The following PDZRN3 variants were observed in gnomAD, a reference collection of about 807,000 sequenced individuals.
The protein encoded by PDZRN3 is PDZ domain containing ring finger 3, also known as E3 ubiquitin-protein ligase PDZRN3.
Under a neutral mutation model 85.7 loss-of-function variants are expected in PDZRN3, and 38 were observed. The observed-to-expected ratio is 0.44, with a 90% CI of 0.34 to 0.58. The LOEUF (loss-of-function observed/expected upper bound fraction) is 0.58, where lower values mean the gene tolerates loss of function less well. Ranked by LOEUF, PDZRN3 falls within the 20% of genes least tolerant of loss-of-function variation. The pLI is 0.01. For missense variants in PDZRN3, 1,629 were observed against 1,506.4 expected (o/e 1.08, Z -1.35); for synonymous variants, 759 against 638.0 (o/e 1.19, Z -2.86).
At chr3:73,582,951 T>C (rs1702223368) in intron 3 of PDZRN3, among the ~76,000 whole-genome samples, 2 of 152,202 alleles carry the variant, frequency 1.3e-5, no homozygotes, top group South Asian at 2.1e-4. Flanking sequence ...TCTATTGATA[T>C]AGCCTTACAT....
At position 73,384,928 on chromosome 3, in the gene PDZRN3, C is replaced by T. The variant is rs1161260032; in HGVS notation, c.1638G>A (p.Lys546=). ...TGGTCCCACCGTCTTCGTCGTGCTT[C>T]TTCTGCATAAACACAAGAACAAAGG... ...MQFTASVLQQ[K]KHDEDGGTTD... Residue 546 remains lysine, a splice_region_variant and synonymous_variant, in exon 10 of 10, where the codon AAG becomes AAA. Transcript: ENST00000263666. 4 of 1,594,720 alleles carry T rather than the reference C, an allele frequency of 2.5e-6. No individual in the cohort carries two copies. The highest frequency in any genetic ancestry group is 1.1e-5 in the South Asian group (1 of 87,704).
chr3:73,583,666 G>A (rs1702233035), intron 3 of PDZRN3, among the ~76,000 whole-genome samples: 1 of 152,106 alleles, frequency 6.6e-6, no homozygotes, highest in South Asian at 2.1e-4. Flanking sequence ...AGCACAGGAT[G>A]GCCTCTGGTC....
chr3:73,508,477 A>C (rs1399620406), intron 3 of PDZRN3, among the ~76,000 whole-genome samples: 1 of 152,204 alleles, frequency 6.6e-6, no homozygotes, highest in Admixed American at 6.5e-5. Context: ...ACCTTGGAGC[A>C]ATGCAACAGA....
chr3:73,511,141 T>G (rs1704156471), intron 3 of PDZRN3, among the ~76,000 whole-genome samples: 1 of 152,296 alleles, frequency 6.6e-6, no homozygotes, highest in Non-Finnish European at 1.5e-5. Context: ...TATGGTGACT[T>G]CATTTCTCTT....
chr3:73,527,789 A>G (rs938193799), intron 3 of PDZRN3, among the ~76,000 whole-genome samples: 3 of 152,196 alleles, frequency 2.0e-5, no homozygotes, highest in African/African-American at 7.2e-5. Context: ...TGAAAGAAGG[A>G]CAAGAGGAAT....
At chr3:73,398,507 C>T (rs1404167206) in intron 5 of PDZRN3, among the ~76,000 whole-genome samples, 1 of 152,182 alleles carries the variant, frequency 6.6e-6, no homozygotes, top group African/African-American at 2.4e-5. Flanking sequence ...GTTCCCACAT[C>T]TCCTAGGTGA....
At chr3:73,404,739 C>A (rs1310418442) in intron 3 of PDZRN3, among the ~76,000 whole-genome samples, 1 of 152,214 alleles carries the variant, frequency 6.6e-6, no homozygotes, top group Non-Finnish European at 1.5e-5. Flanking sequence ...TAATAGCTAA[C>A]TAGAAATTCA....
intron 3 of PDZRN3, among the ~76,000 whole-genome samples, chr3:73,514,688 G>A (rs1346961745): frequency 6.6e-6 from 1 of 152,168 alleles, no homozygotes; most frequent in African/African-American, 2.4e-5. Context: ...ACCAGTGCTG[G>A]TTCTATAACC....
chr3:73,574,473 G>A (rs1370064078), intron 3 of PDZRN3, among the ~76,000 whole-genome samples: 3 of 150,546 alleles, frequency 2.0e-5, no homozygotes, highest in Admixed American at 1.3e-4. Flanking sequence ...GGGTGGGGAG[G>A]GCGGAAATGG....
chr3:73,578,455 C>T (rs1246918063), intron 3 of PDZRN3, among the ~76,000 whole-genome samples: 1 of 152,146 alleles, frequency 6.6e-6, no homozygotes. Flanking sequence ...CAGGTGTGAG[C>T]CACCGCGCCC....
At chr3:73,508,061 C>G (rs936029936) in intron 3 of PDZRN3, among the ~76,000 whole-genome samples, 47 of 152,066 alleles carry the variant, frequency 3.1e-4, no homozygotes, top group African/African-American at 1.1e-3. Flanking sequence ...TGCCATTGCA[C>G]TCCAGCCTGG....
chr3:73,455,757 T>C (rs1702964683), intron 3 of PDZRN3, among the ~76,000 whole-genome samples: 1 of 152,210 alleles, frequency 6.6e-6, no homozygotes, highest in African/African-American at 2.4e-5. Context: ...TAAAACTGCA[T>C]TTAGGTTTTT....
At chr3:73,433,722 C>T (rs775119288) in intron 3 of PDZRN3, 352 of 1,535,938 alleles carry the variant, frequency 2.3e-4, no homozygotes, top group Non-Finnish European at 2.8e-4. Flanking sequence ...AGAAAAACGT[C>T]AAAGGAAGGC....
In PDZRN3 at chr3:73,603,193, C is replaced by T. The variant is rs142097222; in HGVS notation, c.811-732G>A. 1.5e-3 allele frequency among the ~76,000 whole-genome samples: 230 copies of T among 152,328 alleles called. 2 individuals are homozygous for T. The highest frequency in any genetic ancestry group is 5.3e-3 in the African/African-American group (220 of 41,582). ...AACTTGTAAATATCTAATAATTTGA[C>T]TGTGAAAACAGATATTTTGTTTTTG... On this transcript the variant is annotated intron_variant, in intron 2 of 9. Transcript: ENST00000263666.
At chr3:73,433,683 G>T in intron 3 of PDZRN3, 1 of 1,536,052 alleles carries the variant, frequency 6.5e-7, no homozygotes, top group Non-Finnish European at 8.7e-7. Context: ...TCTTGCTTCT[G>T]CAGGCTGCAC....
intron 3 of PDZRN3, among the ~76,000 whole-genome samples, chr3:73,565,550 G>A (rs1701927929): frequency 6.6e-6 from 1 of 152,124 alleles, no homozygotes; most frequent in African/African-American, 2.4e-5. Flanking sequence ...CTAAGGATTA[G>A]GTTGATAAAT....
intron 3 of PDZRN3, among the ~76,000 whole-genome samples, chr3:73,440,525 C>T (rs1165829724): frequency 3.9e-5 from 6 of 152,174 alleles, no homozygotes; most frequent in South Asian, 2.1e-4. Flanking sequence ...ACGGACGCCC[C>T]GTGAGACACC....
chr3:73,432,521 G>C (rs1021795458), intron 3 of PDZRN3, among the ~76,000 whole-genome samples: 1 of 152,174 alleles, frequency 6.6e-6, no homozygotes, highest in South Asian at 2.1e-4. Flanking sequence ...GACAGACAGA[G>C]AGATACTTTT....
At chr3:73,423,806 T>TAAAA (rs1702250996) in intron 3 of PDZRN3, among the ~76,000 whole-genome samples, 1 of 152,194 alleles carries the variant, frequency 6.6e-6, no homozygotes, top group Non-Finnish European at 1.5e-5. Flanking sequence ...GTGGAGGCTT[T>TAAAA]TAATAAAAGA....
Sources: allele counts gnomAD v4.1 joint callset (sites outside exome capture counted in the v4.1 genomes callset), GRCh38; gene constraint gnomAD v4.1.1; transcripts MANE v1.5; gene names NCBI Gene and HGNC (gene_info 2026-07-23, HGNC 2026-07-21).